ZNF404: variants seen among roughly 807,000 people sequenced by gnomAD.
ZNF404 encodes the protein zinc finger protein 404.
In ZNF404, 7 loss-of-function variants were observed where a neutral mutation model predicts 7.3. The observed-to-expected ratio is 0.95, with a 90% CI of 0.54 to 1.79. The LOEUF (loss-of-function observed/expected upper bound fraction) is 1.79. Among genes scored for constraint, ZNF404 ranks in the 40% most tolerant of loss-of-function variants. The pLI is 0.00. For synonymous variants in ZNF404, 191 were observed against 209.9 expected (o/e 0.91, Z 0.78); for missense variants, 560 against 661.5 (o/e 0.85, Z 1.68).
At chr19:43,880,540 T>A (rs187016177) in intron 1 of ZNF404, among the ~76,000 whole-genome samples, 1 of 152,148 alleles carries the variant, frequency 6.6e-6, no homozygotes, top group Non-Finnish European at 1.5e-5. Flanking sequence ...CCTCCCCCAA[T>A]TGTATTATAA....
At chr19:43,874,203 T>G (rs993944131) in intron 2 of ZNF404, 126 bp from the exon 3 acceptor site, 1 of 720,740 alleles carries the variant, frequency 1.4e-6, no homozygotes, top group African/African-American at 1.9e-5. Context: ...GTTTAGAAAA[T>G]TCTAAAGTAC....
In ZNF404 at chr19:43,872,712, T is replaced by G; in HGVS notation, c.1502A>C (p.Asp501Ala). 6.2e-7 allele frequency: 1 copy of G among 1,613,500 alleles called. No individual in the cohort carries two copies. Among genetic ancestry groups the G allele is most frequent in the Non-Finnish European group, 8.5e-7 (1 of 1,179,688 alleles). The change falls in exon 3 of 3, where the codon GAT becomes GCT. Residue 501 changes from aspartate (D) to alanine (A), a missense_variant. Physicochemically the swap from Asp to Ala is moderately radical, Grantham distance 126. Transcript: ENST00000587539. This position sits in a 1 kb window ranked among gnomAD's most constrained non-coding sequence, Gnocchi z 4.4. ...TCGATCACTGCGATTAAAGGCCTTA[T>G]CACATTCTTTACATTCATAGGGTTT... The part of the protein sequence containing the change: ...GEKPYECKEC[D>A]KAFNRSDRLT...
At chr19:43,879,973 G>C in intron 2 of ZNF404, 37 bp downstream of exon 2, 2 of 1,609,958 alleles carry the variant, frequency 1.2e-6, no homozygotes, top group East Asian at 4.5e-5. Context: ...ATATTCTAGA[G>C]AGCATATTGT....
intron 2 of ZNF404, among the ~76,000 whole-genome samples, chr19:43,875,646 G>A (rs1426761446): frequency 6.6e-6 from 1 of 152,120 alleles, no homozygotes; most frequent in Non-Finnish European, 1.5e-5. Flanking sequence ...TCTGTGTGAG[G>A]GAGCAGCCTT....
chr19:43,882,830 G>A (rs1971907861), intron 1 of ZNF404, among the ~76,000 whole-genome samples: 1 of 151,512 alleles, frequency 6.6e-6, no homozygotes, highest in African/African-American at 2.4e-5. Flanking sequence ...GCTGGGCATT[G>A]TGGCTCATGA....
chr19:43,876,964 A>G (rs894019929), intron 2 of ZNF404, among the ~76,000 whole-genome samples: 1 of 152,224 alleles, frequency 6.6e-6, no homozygotes, highest in African/African-American at 2.4e-5. Context: ...GTAGGAGGAA[A>G]CTAAAACACA....
In ZNF404 at chr19:43,873,415, CATG is replaced by C. The variant is rs1297145803; in HGVS notation, c.796_798del (p.His266del). The stretch of plus-strand genomic sequence containing the variant: ...TCTTTACATTTGTAGGGTTTCACAC[CATG>C]ATGAATTTTCTGATGCAGACACATA... On this transcript the variant is annotated inframe_deletion, in exon 3 of 3. Transcript: ENST00000587539. 1.2e-6 allele frequency: 2 copies of C among 1,613,340 alleles called. No homozygotes were observed. The highest frequency in any genetic ancestry group is 2.7e-5 in the African/African-American group (2 of 74,850).
chr19:43,873,671 G>T lies in ZNF404; in HGVS notation c.543C>A (p.His181Gln), dbSNP rs771537388. The T allele has an allele frequency of 1.2e-5, 19 of 1,613,272 alleles. 1 individual carries two copies. In the South Asian group the frequency reaches 2.1e-4, roughly 18 times the overall value. Residue 181 changes from histidine (H) to glutamine (Q), a missense_variant, in exon 3 of 3, where the codon CAC becomes CAA. Coordinates refer to ENST00000587539, the MANE Select transcript of ZNF404 (RefSeq NM_001033719.3). ...TGCATTCATAGGGTTTCAAATCAGTGTGGATTTTTCGATGTCTAATAAAAT... is the reference window on the plus strand; with the variant it reads ...TGCATTCATAGGGTTTCAAATCAGTTTGGATTTTTCGATGTCTAATAAAAT... ...FQHFIRHRKI[H>Q]TDLKPYECNG...
At chr19:43,876,466 A>C (rs1971850844) in intron 2 of ZNF404, among the ~76,000 whole-genome samples, 1 of 152,190 alleles carries the variant, frequency 6.6e-6, no homozygotes, top group Non-Finnish European at 1.5e-5. Flanking sequence ...CTAAGGAATA[A>C]AAGATAGGAG....
chr19:43,872,685 A>G lies in ZNF404; in HGVS notation c.1529T>C (p.Leu510Pro). The G allele has an allele frequency of 6.2e-7, 1 of 1,613,410 alleles. No homozygotes were observed. The highest frequency in any genetic ancestry group is 8.5e-7 in the Non-Finnish European group (1 of 1,179,650). Residue 510 changes from leucine to proline, a missense_variant, in exon 3 of 3, where the codon CTT becomes CCT. Leu to Pro is a moderately conservative substitution (Grantham distance 98). Transcript: ENST00000587539. This position sits in a 1 kb window ranked among gnomAD's most constrained non-coding sequence, Gnocchi z 4.4. ...AGTATGAATTGTCTCATGTTGAGTA[A>G]GTCGATCACTGCGATTAAAGGCCTT... ...CDKAFNRSDR[L>P]TQHETIHTGV...
intron 2 of ZNF404, among the ~76,000 whole-genome samples, chr19:43,878,595 G>A (rs1568437082): frequency 6.6e-6 from 1 of 152,116 alleles, no homozygotes; most frequent in African/African-American, 2.4e-5. Flanking sequence ...GAATTTACAT[G>A]TGAGCAAACT....
Position 43,880,235 on chromosome 19 carries a change from G to A in ZNF404, c.10-99C>T, listed in dbSNP as rs896062366. ...AAGGGGCAATATGTAAAAAGAAGTA[G>A]TCTAGAGTTACAAGATGATGACATG... On this transcript the variant is annotated intron_variant, in intron 1 of 2. Transcript: ENST00000587539. 1.5e-5 allele frequency: 16 copies of A among 1,048,114 alleles called. No homozygotes were observed. The Middle Eastern group carries it at 6.4e-4, about 42-fold the overall frequency. 64.9% of individuals were successfully genotyped at this position (1,048,114 alleles called of 1,614,324 possible).
intron 1 of ZNF404, among the ~76,000 whole-genome samples, chr19:43,882,501 A>G (rs759387089): frequency 2.1e-4 from 32 of 152,176 alleles, no homozygotes; most frequent in Non-Finnish European, 4.0e-4. Flanking sequence ...TACAATCTGT[A>G]AAGAAAAGAA....
Position 43,883,948 on chromosome 19 carries a change from C to A in ZNF404, c.9+8G>T, listed in dbSNP as rs752800749. The A allele has an allele frequency of 3.1e-6, 5 of 1,599,012 alleles. No individual in the cohort carries two copies. The South Asian group carries it at 5.5e-5, about 18-fold the overall frequency. ...TAAGTCAGAAAAGCAAAAGAGACATCAACTCACCCGGGCCATGGTTTCAGA... is the reference window on the plus strand; with the variant it reads ...TAAGTCAGAAAAGCAAAAGAGACATAAACTCACCCGGGCCATGGTTTCAGA... On this transcript the variant is annotated splice_region_variant and intron_variant, in intron 1 of 2. Transcript: ENST00000587539.
chr19:43,873,294 G>A lies in ZNF404; in HGVS notation c.920C>T (p.Ala307Val), dbSNP rs1971825921. 2 of 1,613,396 alleles carry A rather than the reference G, an allele frequency of 1.2e-6. No individual in the cohort carries two copies. Among genetic ancestry groups the A allele is most frequent in the Middle Eastern group, 1.6e-4 (1 of 6,082 alleles). ...AACAAGTAGATAGCTGCGAACAAAGGCCTTTTCACATTGTTCACATTTATA... is the reference window on the plus strand; with the variant it reads ...AACAAGTAGATAGCTGCGAACAAAGACCTTTTCACATTGTTCACATTTATA... ...KPYKCEQCEK[A>V]FVRSYLLVEH... Residue 307 changes from alanine (A) to valine (V), a missense_variant, in exon 3 of 3, where the codon GCC becomes GTC. Physicochemically the swap from Ala to Val is moderately conservative, Grantham distance 64 (BLOSUM62 0). Transcript: ENST00000587539.
intron 2 of ZNF404, among the ~76,000 whole-genome samples, chr19:43,879,354 G>A (rs564400439): frequency 1.3e-4 from 20 of 152,242 alleles, no homozygotes; most frequent in African/African-American, 4.3e-4. Context: ...GGAAAGAGAG[G>A]AGAAAAGCAG....
rs150098420 is a variant in ZNF404, at chr19:43,882,578, G to T, written c.9+1378C>A. ...TACACTGTTGGTGGGAATGTAAAAT[G>T]GTATTATCACTTTGAAAAATTAAAA... is the stretch of plus-strand genomic sequence containing the variant. On this transcript the variant is annotated intron_variant, in intron 1 of 2. Transcript: ENST00000587539. Among the ~76,000 whole-genome samples the T allele has an allele frequency of 2.6e-5, 4 of 152,078 alleles. No individual in the cohort carries two copies. The East Asian group carries it at 7.7e-4, about 29-fold the overall frequency.
rs766612437 is a variant in ZNF404 at position 43,873,628 on chromosome 19, A to C, written c.586T>G (p.Phe196Val). 9 of 1,613,378 alleles carry C rather than the reference A, an allele frequency of 5.6e-6. No homozygotes were observed. Among genetic ancestry groups the C allele is most frequent in the Non-Finnish European group, 7.6e-6 (9 of 1,179,678 alleles). ...PYECNGCEKAFRFYSQLIQHQ... is the reference protein window; with the variant it reads ...PYECNGCEKAVRFYSQLIQHQ... ...TGAATAAGCTGTGAATAAAACCTAAAGGCCTTCTCACATCCATTGCATTCA... is the reference window on the plus strand; with the variant it reads ...TGAATAAGCTGTGAATAAAACCTAACGGCCTTCTCACATCCATTGCATTCA... Residue 196 changes from phenylalanine to valine, a missense_variant, in exon 3 of 3, where the codon TTT becomes GTT. Phe to Val is a conservative substitution (Grantham distance 50). Coordinates refer to ENST00000587539, the MANE Select transcript of ZNF404 (RefSeq NM_001033719.3).
chr19:43,873,397 A>T lies in ZNF404; in HGVS notation c.817T>A (p.Cys273Ser). ...KIHHGVKPYK[C>S]KECGKAFGHR... ...CCAAAAGCCTTTCCACATTCTTTACATTTGTAGGGTTTCACACCATGATGA... is the reference window on the plus strand; with the variant it reads ...CCAAAAGCCTTTCCACATTCTTTACTTTTGTAGGGTTTCACACCATGATGA... Residue 273 changes from cysteine to serine, a missense_variant, in exon 3 of 3, where the codon TGT becomes AGT. By Grantham distance (112) the Cys-to-Ser change is moderately radical. Coordinates refer to ENST00000587539, the MANE Select transcript of ZNF404 (RefSeq NM_001033719.3). 6.2e-7 allele frequency: 1 copy of T among 1,613,460 alleles called. No homozygotes were observed. Among genetic ancestry groups the T allele is most frequent in the South Asian group, 1.1e-5 (1 of 91,068 alleles).
Sources: allele counts gnomAD v4.1 joint callset (sites outside exome capture counted in the v4.1 genomes callset), GRCh38; gene constraint gnomAD v4.1.1; non-coding constraint Gnocchi (gnomAD v3.1); transcripts MANE v1.5; gene names NCBI Gene and HGNC (gene_info 2026-07-23, HGNC 2026-07-21).